Variants in FOXP1 observed in about 807,000 individuals in gnomAD.
The protein encoded by FOXP1 is forkhead box protein P1.
Under a neutral mutation model 98.2 loss-of-function variants are expected in FOXP1, and 15 were observed. The ratio of observed to expected loss-of-function variants is 0.15; its 90% CI spans 0.10 to 0.24. FOXP1 has a LOEUF of 0.24. Ranked by LOEUF, FOXP1 falls within the 10% of genes least tolerant of loss-of-function variation. The pLI, the probability that FOXP1 is intolerant of heterozygous loss-of-function variation, is 1.00. For missense variants in FOXP1, 633 were observed against 848.5 expected, an observed-to-expected ratio of 0.75 and a Z score of 3.15; for synonymous variants, 371 against 314.5, an observed-to-expected ratio of 1.18 and a Z score of -1.90.
chr3:71,523,469 G>A (rs549428245), intron 2 of FOXP1, among the ~76,000 whole-genome samples: 4 of 152,190 alleles, frequency 2.6e-5, no homozygotes, highest in African/African-American at 4.8e-5. Context: ...CAAATTGTAC[G>A]TATTTCAGAC....
At chr3:71,561,407 C>CAAAA (rs56792827) in intron 2 of FOXP1, among the ~76,000 whole-genome samples, 618 of 40,294 alleles carry the variant, frequency 0.015, 6 homozygotes, top group African/African-American at 0.035. Flanking sequence ...TAAAGCTGGC[C>CAAAA]AAAAAAAAAA....
intron 4 of FOXP1, chr3:71,302,898 C>T (rs528096079): frequency 6.6e-6 from 1 of 152,286 alleles, no homozygotes; most frequent in South Asian, 2.1e-4. Flanking sequence ...TCTCTACCTC[C>T]CCAACCACCC....
intron 6 of FOXP1, among the ~76,000 whole-genome samples, chr3:71,178,838 C>T (rs1027974477): frequency 2.0e-5 from 3 of 151,136 alleles, no homozygotes; most frequent in East Asian, 2.0e-4. Context: ...GAGCCAAGAT[C>T]GCACCACTGC....
At chr3:71,403,495 C>T (rs969241809) in intron 3 of FOXP1, among the ~76,000 whole-genome samples, 53 of 152,140 alleles carry the variant, frequency 3.5e-4, no homozygotes, top group African/African-American at 1.2e-3. Context: ...AGTGTGTGTG[C>T]GCGTGCATGC....
At chr3:71,214,698 T>G (rs1407548185) in intron 5 of FOXP1, among the ~76,000 whole-genome samples, 1 of 152,120 alleles carries the variant, frequency 6.6e-6, no homozygotes, top group Non-Finnish European at 1.5e-5. Flanking sequence ...TGAGTTAAGA[T>G]TCATCAAAGA....
intron 3 of FOXP1, among the ~76,000 whole-genome samples, chr3:71,369,969 G>C (rs2079182682): frequency 6.6e-6 from 1 of 152,156 alleles, no homozygotes; most frequent in South Asian, 2.1e-4. Flanking sequence ...TGTAACCTAA[G>C]CACAAGGGGT....
chr3:71,182,649 C>T (rs1206264698), intron 6 of FOXP1, among the ~76,000 whole-genome samples: 2 of 151,682 alleles, frequency 1.3e-5, no homozygotes, highest in African/African-American at 4.8e-5. Flanking sequence ...CCCACCTCAG[C>T]CTCCTGAGTA....
intron 20 of FOXP1, among the ~76,000 whole-genome samples, chr3:70,959,982 C>T (rs1231132222): frequency 1.3e-5 from 2 of 152,162 alleles, no homozygotes; most frequent in East Asian, 1.9e-4. Context: ...TGTAATGCAA[C>T]GGCAGTTTGT....
chr3:71,486,523 G>C (rs566778637), intron 3 of FOXP1, among the ~76,000 whole-genome samples: 1 of 152,026 alleles, frequency 6.6e-6, no homozygotes, highest in Non-Finnish European at 1.5e-5. Context: ...CTATTATTAC[G>C]GGCCAAGAGG....
At chr3:70,970,872 TGTTTTAAGCTTG>T (rs2036081568) in intron 18 of FOXP1, 67 bp from the exon 19 acceptor site, 1 of 1,266,534 alleles carries the variant, frequency 7.9e-7, no homozygotes, top group Non-Finnish European at 1.2e-6. Context: ...AGCTAAGTTT[TGTTTTAAGCTTG>T]CTGGTGCCCT....
At chr3:71,518,296 AACAGAATTCT>A (rs2042726432) in intron 2 of FOXP1, among the ~76,000 whole-genome samples, 4 of 152,164 alleles carry the variant, frequency 2.6e-5, no homozygotes, top group Admixed American at 1.3e-4. Context: ...TTGTTAGGCA[AACAGAATTCT>A]ACAGATGAGA....
chr3:71,430,813 T>C (rs919795664), intron 3 of FOXP1, among the ~76,000 whole-genome samples: 4 of 151,888 alleles, frequency 2.6e-5, no homozygotes, highest in South Asian at 2.1e-4. Flanking sequence ...TCATGGGCTG[T>C]TGGGGGAGGG....
intron 4 of FOXP1, among the ~76,000 whole-genome samples, chr3:71,348,546 T>TGTGC (rs57880077): frequency 3.0e-5 from 4 of 131,174 alleles, no homozygotes; most frequent in South Asian, 2.2e-4. Context: ...TGTGTGTGTG[T>TGTGC]GTGCGTGCGC....
intron 14 of FOXP1, among the ~76,000 whole-genome samples, chr3:70,980,804 C>G (rs2038698096): frequency 6.6e-6 from 1 of 152,116 alleles, no homozygotes; most frequent in South Asian, 2.1e-4. Context: ...GAAGCGCTTA[C>G]CATCAAACAC....
chr3:71,381,000 T>C (rs1392990947), intron 3 of FOXP1, among the ~76,000 whole-genome samples: 2 of 152,294 alleles, frequency 1.3e-5, no homozygotes, highest in East Asian at 3.9e-4. Flanking sequence ...GAATTTAAAA[T>C]TTTGGAAATA....
At chr3:71,116,173 A>G (rs2058361727) in intron 6 of FOXP1, among the ~76,000 whole-genome samples, 2 of 152,216 alleles carry the variant, frequency 1.3e-5, no homozygotes, top group Admixed American at 1.3e-4. Context: ...AGCTACTGGG[A>G]TCCTCAGATT....
chr3:71,008,992 T>A (rs992259681), intron 12 of FOXP1, among the ~76,000 whole-genome samples: 9 of 151,966 alleles, frequency 5.9e-5, no homozygotes, highest in African/African-American at 2.2e-4. Flanking sequence ...AAGCTTGGCC[T>A]CTGTAACAGT....
intron 3 of FOXP1, among the ~76,000 whole-genome samples, chr3:71,439,401 A>T (rs950667756): frequency 6.6e-6 from 1 of 152,192 alleles, no homozygotes; most frequent in South Asian, 2.1e-4. Context: ...AGTGCATTCT[A>T]TTTCTTTCAG....
intron 3 of FOXP1, among the ~76,000 whole-genome samples, chr3:71,364,621 AAG>A (rs1477146868): frequency 1.3e-5 from 2 of 152,204 alleles, no homozygotes; most frequent in Non-Finnish European, 2.9e-5. Flanking sequence ...GCTATTATAA[AAG>A]AAAAAATCCT....
Sources: gnomAD v4.1 joint callset for allele counts (sites outside exome capture counted in the v4.1 genomes callset) on GRCh38, gnomAD v4.1.1 for gene constraint, MANE v1.5 for transcripts, NCBI Gene and HGNC (gene_info 2026-07-23, HGNC 2026-07-21) for gene names.